The following C1QTNF3 variants were observed in gnomAD, a reference collection of about 807,000 sequenced individuals.
C1QTNF3 encodes the protein C1q and TNF related 3, also known as complement C1q tumor necrosis factor-related protein 3.
In C1QTNF3, 26 loss-of-function variants were observed where a neutral mutation model predicts 32.6. The observed-to-expected ratio is 0.80, with a 90% CI of 0.58 to 1.11. C1QTNF3 has a LOEUF of 1.11. C1QTNF3 is among the 50% of genes least tolerant of loss of function. C1QTNF3 has a pLI of 0.00. For synonymous variants in C1QTNF3, 155 were observed against 146.0 expected (o/e 1.06, Z -0.44); for missense variants, 362 against 398.2 (o/e 0.91, Z 0.77).
the C1QTNF3 span, among the ~76,000 whole-genome samples, chr5:34,156,805 C>T: frequency 2.0e-5 from 3 of 152,080 alleles, no homozygotes; most frequent in East Asian, 1.9e-4. Context: ...GGAATATATA[C>T]GTGGTCTTAG....
the C1QTNF3 span, among the ~76,000 whole-genome samples, chr5:34,219,534 T>C: frequency 6.6e-6 from 1 of 151,744 alleles, no homozygotes; most frequent in Non-Finnish European, 1.5e-5. Flanking sequence ...AGCAGTCACA[T>C]GAACGAGTAC....
At chr5:34,216,339 T>C in the C1QTNF3 span, among the ~76,000 whole-genome samples, 3 of 152,242 alleles carry the variant, frequency 2.0e-5, no homozygotes, top group Non-Finnish European at 2.9e-5. Context: ...GTGAAGTCAG[T>C]ATGAATGAAT....
intron 2 of C1QTNF3, among the ~76,000 whole-genome samples, chr5:34,035,138 CA>C (rs1163441068): frequency 2.0e-5 from 3 of 152,156 alleles, no homozygotes; most frequent in African/African-American, 7.2e-5. Context: ...GTGGCATTGG[CA>C]CAGTACAGAT....
At chr5:34,153,853 TAAA>T in the C1QTNF3 span, among the ~76,000 whole-genome samples, 2 of 32,940 alleles carry the variant, frequency 6.1e-5, no homozygotes, top group African/African-American at 9.3e-5. Flanking sequence ...ACTTAGAGTA[TAAA>T]AAAAAAAAAA....
At chr5:34,171,342 A>G in the C1QTNF3 span, among the ~76,000 whole-genome samples, 2 of 151,320 alleles carry the variant, frequency 1.3e-5, no homozygotes, top group Non-Finnish European at 2.9e-5. Flanking sequence ...CGTTGTGAAT[A>G]TATCTACAGT....
chr5:34,092,681 A>T, the C1QTNF3 span, among the ~76,000 whole-genome samples: 2 of 151,812 alleles, frequency 1.3e-5, no homozygotes, highest in Non-Finnish European at 2.9e-5. Context: ...TATTTCAGGT[A>T]TGAAAGCAGG....
At chr5:34,164,817 A>AACACACAC in the C1QTNF3 span, 40 of 148,032 alleles carry the variant, frequency 2.7e-4, no homozygotes, top group East Asian at 3.0e-3. Flanking sequence ...TTTTTCTCAA[A>AACACACAC]ACACACACAC....
At chr5:34,165,446 A>G in the C1QTNF3 span, 1 of 152,162 alleles carries the variant, frequency 6.6e-6, no homozygotes, top group Non-Finnish European at 1.5e-5. Context: ...AGCCTAATAC[A>G]TCATGCAGCA....
the C1QTNF3 span, among the ~76,000 whole-genome samples, chr5:34,098,935 C>T: frequency 4.3e-4 from 66 of 152,054 alleles, no homozygotes; most frequent in African/African-American, 1.5e-3. Flanking sequence ...GTTCTGTTAT[C>T]GGAAATCAGA....
chr5:34,161,254 T>TCAG, the C1QTNF3 span, among the ~76,000 whole-genome samples: 1 of 152,210 alleles, frequency 6.6e-6, no homozygotes, highest in Non-Finnish European at 1.5e-5. Context: ...GCATTATGCT[T>TCAG]CAGAGCCGAA....
the C1QTNF3 span, among the ~76,000 whole-genome samples, chr5:34,065,126 A>G: frequency 6.6e-6 from 1 of 152,188 alleles, no homozygotes; most frequent in Non-Finnish European, 1.5e-5. Flanking sequence ...CTGGGAAAAA[A>G]TATTCACAGA....
At chr5:34,195,690 A>G in the C1QTNF3 span, among the ~76,000 whole-genome samples, 1 of 152,224 alleles carries the variant, frequency 6.6e-6, no homozygotes, top group Non-Finnish European at 1.5e-5. Flanking sequence ...AAATACAAAA[A>G]ATTAGCCGGG....
At chr5:34,140,476 TAAG>T in the C1QTNF3 span, among the ~76,000 whole-genome samples, 4 of 152,214 alleles carry the variant, frequency 2.6e-5, no homozygotes, top group African/African-American at 7.2e-5. Flanking sequence ...TCCAATACAT[TAAG>T]AATAAAACTT....
At chr5:34,230,402 C>T in the C1QTNF3 span, among the ~76,000 whole-genome samples, 1 of 152,112 alleles carries the variant, frequency 6.6e-6, no homozygotes, top group Admixed American at 6.6e-5. Flanking sequence ...GAAAATAATA[C>T]ATTTGGCAAA....
the C1QTNF3 span, among the ~76,000 whole-genome samples, chr5:34,098,984 G>A: frequency 7.2e-5 from 11 of 152,198 alleles, no homozygotes; most frequent in African/African-American, 2.7e-4. Context: ...TGTGGCAAAT[G>A]TACATGTTAA....
chr5:34,063,161 C>A, the C1QTNF3 span, among the ~76,000 whole-genome samples: 3 of 151,920 alleles, frequency 2.0e-5, no homozygotes, highest in Non-Finnish European at 2.9e-5. Context: ...TTAAATTGAT[C>A]CTGGATTTTA....
chr5:34,202,475 A>C, the C1QTNF3 span, among the ~76,000 whole-genome samples: 1 of 152,252 alleles, frequency 6.6e-6, no homozygotes, highest in Admixed American at 6.5e-5. Context: ...TACATTTTAA[A>C]TTATTAAAAT....
the C1QTNF3 span, among the ~76,000 whole-genome samples, chr5:34,051,289 A>C: frequency 6.6e-6 from 1 of 152,212 alleles, no homozygotes; most frequent in Admixed American, 6.5e-5. Context: ...TTTCTACATG[A>C]AATAATAAAT....
At chr5:34,063,394 G>A in the C1QTNF3 span, among the ~76,000 whole-genome samples, 7 of 148,770 alleles carry the variant, frequency 4.7e-5, no homozygotes, top group Admixed American at 2.0e-4. Flanking sequence ...CTCTCTCCTC[G>A]ACTTACTCAA....
Sources: gnomAD v4.1 joint callset for allele counts (sites outside exome capture counted in the v4.1 genomes callset) on GRCh38, gnomAD v4.1.1 for gene constraint, MANE v1.5 for transcripts, NCBI Gene and HGNC (gene_info 2026-07-23, HGNC 2026-07-21) for gene names.